The following CHODL variants were observed in gnomAD, a reference collection of about 807,000 sequenced individuals.
CHODL encodes chondrolectin.
A neutral mutation model predicts 34.5 loss-of-function variants in CHODL; 29 were observed. The ratio of observed to expected loss-of-function variants is 0.84; its 90% CI spans 0.63 to 1.15. The LOEUF (loss-of-function observed/expected upper bound fraction) is 1.15. CHODL is among the 50% of genes most tolerant of loss of function. The pLI is 0.00. For missense variants in CHODL, 332 were observed against 332.5 expected (o/e 1.00, Z 0.01); for synonymous variants, 125 against 116.1 (o/e 1.08, Z -0.49).
At chr21:18,083,725 G>A (rs1201336101) in intron 2 of CHODL, among the ~76,000 whole-genome samples, 1 of 152,212 alleles carries the variant, frequency 6.6e-6, no homozygotes, top group African/African-American at 2.4e-5. Flanking sequence ...CATGGGGCAT[G>A]TGGCCCTTTG....
intron 5 of CHODL, among the ~76,000 whole-genome samples, chr21:18,265,617 C>T (rs547929209): frequency 6.6e-6 from 1 of 152,146 alleles, no homozygotes; most frequent in Admixed American, 6.5e-5. Flanking sequence ...CACAAATCAC[C>T]ACTAAAGAAC....
chr21:18,235,199 A>C (rs2074017894), intron 2 of CHODL, among the ~76,000 whole-genome samples: 1 of 152,088 alleles, frequency 6.6e-6, no homozygotes. Context: ...ATGAGGGACA[A>C]AGAAGCCCAA....
At chr21:18,089,266 TTC>T (rs2065043424) in intron 2 of CHODL, among the ~76,000 whole-genome samples, 2 of 152,166 alleles carry the variant, frequency 1.3e-5, no homozygotes, top group South Asian at 2.1e-4. Context: ...ATCCTGCCTC[TTC>T]TCTCTTATCT....
Position 18,182,813 on chromosome 21 carries a change from C to G in CHODL, c.-44-73696C>G, listed in dbSNP as rs184968180. ...AAAATACAAGGTGCAAAAAAAATCC[C>G]TGTTTATTCTGTCATTCTGTGGAAC... On this transcript the variant is annotated intron_variant, in intron 2 of 6. Coordinates refer to the CHODL transcript ENST00000400127. Among the ~76,000 whole-genome samples, 172 of 152,108 alleles carry G rather than the reference C, an allele frequency of 1.1e-3. 1 individual carries two copies. The highest frequency in any genetic ancestry group is 3.6e-3 in the African/African-American group (151 of 41,530).
intron 1 of CHODL, among the ~76,000 whole-genome samples, chr21:17,959,490 T>A (rs879290472): frequency 3.3e-5 from 5 of 152,174 alleles, no homozygotes; most frequent in Non-Finnish European, 7.4e-5. Flanking sequence ...TTGATGAAAA[T>A]CATGGATTCT....
intron 1 of CHODL, among the ~76,000 whole-genome samples, chr21:17,983,694 TG>T (rs1490434774): frequency 2.6e-5 from 4 of 152,314 alleles, no homozygotes; most frequent in Non-Finnish European, 5.9e-5. Flanking sequence ...TAGCTTATTT[TG>T]TTTGCCTGTT....
chr21:18,096,778 T>C (rs2065144911), intron 2 of CHODL, among the ~76,000 whole-genome samples: 1 of 152,168 alleles, frequency 6.6e-6, no homozygotes, highest in African/African-American at 2.4e-5. Context: ...TGATCTTTTA[T>C]TGCCTTTTGA....
intron 1 of CHODL, chr21:18,245,800 A>G (rs766136261): frequency 7.6e-6 from 7 of 926,656 alleles, no homozygotes; most frequent in Non-Finnish European, 1.1e-5. Context: ...ATGCCTGGGC[A>G]TTCGGTCTTT....
At chr21:18,155,812 G>A (rs775249680) in intron 2 of CHODL, among the ~76,000 whole-genome samples, 70 of 152,170 alleles carry the variant, frequency 4.6e-4, no homozygotes, top group Non-Finnish European at 1.3e-4. Context: ...CTAGTGAGGA[G>A]GCTACTGATT....
At chr21:18,167,686 G>C (rs1235397723) in intron 2 of CHODL, among the ~76,000 whole-genome samples, 1 of 152,048 alleles carries the variant, frequency 6.6e-6, no homozygotes, top group Non-Finnish European at 1.5e-5. Context: ...CTTTGTATCT[G>C]TTTATTTTTT....
chr21:18,077,726 C>T (rs1010104413), intron 2 of CHODL, among the ~76,000 whole-genome samples: 10 of 152,124 alleles, frequency 6.6e-5, no homozygotes, highest in Admixed American at 2.6e-4. Flanking sequence ...CCTCACCAAA[C>T]GCTGAATCTG....
chr21:17,957,662 G>T (rs1259814587), intron 1 of CHODL, among the ~76,000 whole-genome samples: 1 of 151,608 alleles, frequency 6.6e-6, no homozygotes, highest in Non-Finnish European at 1.5e-5. Flanking sequence ...AAGGATCCAA[G>T]ATATTAAAAG....
At chr21:18,195,320 C>T (rs1253468893) in intron 2 of CHODL, among the ~76,000 whole-genome samples, 1 of 152,162 alleles carries the variant, frequency 6.6e-6, no homozygotes, top group Non-Finnish European at 1.5e-5. Context: ...TCCCAAAGTG[C>T]TGGGATTACA....
chr21:18,069,602 C>T (rs1018887561), intron 2 of CHODL, among the ~76,000 whole-genome samples: 2 of 151,528 alleles, frequency 1.3e-5, no homozygotes, highest in African/African-American at 2.4e-5. Context: ...ATGACCCATG[C>T]GTCCAAGAGT....
At chr21:17,975,402 A>G (rs2063653675) in intron 1 of CHODL, among the ~76,000 whole-genome samples, 1 of 152,180 alleles carries the variant, frequency 6.6e-6, no homozygotes, top group Non-Finnish European at 1.5e-5. Flanking sequence ...CAAATTTTCT[A>G]TATAACAAAC....
chr21:18,103,748 A>T (rs2065242456), intron 2 of CHODL, among the ~76,000 whole-genome samples: 1 of 152,182 alleles, frequency 6.6e-6, no homozygotes, highest in Non-Finnish European at 1.5e-5. Context: ...TCTTCCATAG[A>T]AGCTGGCTTT....
chr21:18,161,904 C>G (rs1053564696), intron 2 of CHODL, among the ~76,000 whole-genome samples: 3 of 152,180 alleles, frequency 2.0e-5, no homozygotes, highest in African/African-American at 7.2e-5. Context: ...TGCATGTATT[C>G]AAGTATAACC....
intron 2 of CHODL, among the ~76,000 whole-genome samples, chr21:18,087,441 G>T (rs1446836187): frequency 2.0e-5 from 3 of 152,158 alleles, no homozygotes; most frequent in African/African-American, 7.2e-5. Context: ...GAGATGGAAA[G>T]GCCCCTCAAG....
At chr21:18,218,117 C>T (rs2073848335) in intron 2 of CHODL, among the ~76,000 whole-genome samples, 1 of 152,154 alleles carries the variant, frequency 6.6e-6, no homozygotes, top group Admixed American at 6.5e-5. Flanking sequence ...GGATGGTGGC[C>T]CTCTTCTCAC....
Sources: allele counts gnomAD v4.1 joint callset (sites outside exome capture counted in the v4.1 genomes callset), GRCh38; gene constraint gnomAD v4.1.1; transcripts MANE v1.5; gene names NCBI Gene and HGNC (gene_info 2026-07-23, HGNC 2026-07-21).